Variants in SLFNL1 observed in about 807,000 individuals in gnomAD.
SLFNL1 encodes schlafen like 1.
Under a neutral mutation model 32.5 loss-of-function variants are expected in SLFNL1, and 26 were observed. That is an observed-to-expected ratio of 0.80 (90% CI 0.59 to 1.11). The LOEUF (loss-of-function observed/expected upper bound fraction) is 1.11. SLFNL1 is among the 50% of genes least tolerant of loss of function. The probability of loss-of-function intolerance (pLI) is 0.00; values close to 1 mark genes in which losing one functional copy is unlikely to be tolerated. For synonymous variants in SLFNL1, 255 were observed against 242.2 expected, an observed-to-expected ratio of 1.05 and a Z score of -0.49; for missense variants, 553 against 546.5, an observed-to-expected ratio of 1.01 and a Z score of -0.12.
chr1:41,019,278 A>G (rs1443514557), intron 3 of SLFNL1, among the ~76,000 whole-genome samples: 2 of 152,152 alleles, frequency 1.3e-5, no homozygotes, highest in Non-Finnish European at 2.9e-5. Context: ...GAAACAGGAT[A>G]AACTTCATAC....
In SLFNL1 at chr1:41,020,231, T is replaced by G; in HGVS notation, c.430A>C (p.Arg144=). The change falls in exon 3 of 6, where the codon AGA becomes CGA. Residue 144 remains arginine, a synonymous_variant. Coordinates refer to ENST00000302946, the MANE Select transcript of SLFNL1 (RefSeq NM_144990.4). The part of the protein sequence containing the change: ...LSEAQGPFSH[R]EEKEEEEEDS... ...TTGGGAAAAGTCCCACTTACCTCTCTGTGGCTGAAGGGCCCTTGGGCCTCA... is the reference window on the plus strand; with the variant it reads ...TTGGGAAAAGTCCCACTTACCTCTCGGTGGCTGAAGGGCCCTTGGGCCTCA... The G allele has an allele frequency of 6.3e-7, 1 of 1,588,544 alleles. No homozygotes were observed. Among genetic ancestry groups the G allele is most frequent in the Non-Finnish European group, 8.6e-7 (1 of 1,166,480 alleles).
chr1:41,019,189 C>T (rs1457554897), intron 3 of SLFNL1, among the ~76,000 whole-genome samples: 1 of 152,108 alleles, frequency 6.6e-6, no homozygotes, highest in Admixed American at 6.5e-5. Context: ...CTTTCATGAG[C>T]GTGGGTTGGG....
In SLFNL1 at chr1:41,017,578, TCTTA is replaced by T; in HGVS notation, c.957+53_957+56del. The T allele has an allele frequency of 1.3e-6, 2 of 1,507,418 alleles. No homozygotes were observed. The highest frequency in any genetic ancestry group is 8.9e-7 in the Non-Finnish European group (1 of 1,128,434). 93.4% of individuals were successfully genotyped at this position (1,507,418 alleles called of 1,614,324 possible). On this transcript the variant is annotated intron_variant, in intron 4 of 5. Coordinates refer to ENST00000302946, the MANE Select transcript of SLFNL1 (RefSeq NM_144990.4). The surrounding 1 kb of genome is among the most constrained non-coding windows in gnomAD (Gnocchi z 4.9). ...TGCCTGGCAGGAGTGCAGGCCATCGTCTTACTGAGTGATGACAGATGACAGGCCC... is the reference window on the plus strand; with the variant it reads ...TGCCTGGCAGGAGTGCAGGCCATCGTCTGAGTGATGACAGATGACAGGCCC...
intron 5 of SLFNL1, chr1:41,016,440 C>T (rs1643332855): frequency 1.5e-6 from 1 of 652,356 alleles, no homozygotes; most frequent in East Asian, 3.0e-5. Context: ...AAGGGAGCCT[C>T]CTCCGTGCTG....
Position 41,020,551 on chromosome 1 carries a change from T to G in SLFNL1, c.110A>C (p.Tyr37Ser), listed in dbSNP as rs533248965. 6.2e-7 allele frequency: 1 copy of G among 1,613,324 alleles called. No individual in the cohort carries two copies. Among genetic ancestry groups the G allele is most frequent in the South Asian group, 1.1e-5 (1 of 91,068 alleles). The change falls in exon 3 of 6, where the codon TAC (tyrosine) becomes TCC (serine). Residue 37 changes from tyrosine (Y) to serine (S), a missense_variant. Coordinates refer to ENST00000302946, the MANE Select transcript of SLFNL1 (RefSeq NM_144990.4). The stretch of plus-strand genomic sequence containing the variant: ...CGAGGGAGCCTCCTCGAGGTCAGAG[T>G]ACTCCGTCAGGGACTGCTCTGCGGG... Reference protein sequence around the residue: ...ELPAEQSLTEYSDLEEAPSAH... With the variant: ...ELPAEQSLTESSDLEEAPSAH...
Position 41,017,078 on chromosome 1 carries a change from G to T in SLFNL1, c.1101+156C>A. The stretch of plus-strand genomic sequence containing the variant: ...CACCAGCCACCTACCCGCGGAGTAT[G>T]GGATGTGGTGTGATTGTATTCCAAC... On this transcript the variant is annotated intron_variant, in intron 5 of 5. Transcript: ENST00000302946. This position sits in a 1 kb window ranked among gnomAD's most constrained non-coding sequence, Gnocchi z 4.9. The T allele has an allele frequency of 2.3e-6, 2 of 865,470 alleles. No individual in the cohort carries two copies. The highest frequency in any genetic ancestry group is 3.4e-6 in the Non-Finnish European group (2 of 594,732). The allele number at this position is 865,470 out of a possible 1,614,324, so 53.6% of individuals were successfully genotyped here. A position where few individuals can be genotyped will look rare whatever the true frequency, so the allele number is the denominator to read the frequency against.
chr1:41,021,285 C>T (rs1031290405), intron 1 of SLFNL1: 3 of 153,134 alleles, frequency 2.0e-5, no homozygotes, highest in African/African-American at 4.8e-5. Flanking sequence ...TTTTGGCACA[C>T]TGATGAAAGC....
rs1312081235 is a variant in SLFNL1, at chr1:41,017,936, C to T, written c.656G>A (p.Gly219Asp). Residue 219 changes from glycine (G) to aspartate (D), a missense_variant, in exon 4 of 6, where the codon GGC becomes GAC. By Grantham distance (94) the Gly-to-Asp change is moderately conservative. Transcript: ENST00000302946. The surrounding 1 kb of genome is among the most constrained non-coding windows in gnomAD (Gnocchi z 4.9). Reference sequence around the variant, plus strand: ...GAACTCCATATTGCGGGTCTCGCTGCCCAGGAAGGCACCCTGGAAGAGCTG... The same window carrying T: ...GAACTCCATATTGCGGGTCTCGCTGTCCAGGAAGGCACCCTGGAAGAGCTG... ...KDQLFQGAFL[G>D]SETRNMEFKR... 1 of 1,612,420 alleles carries T rather than the reference C, an allele frequency of 6.2e-7. No individual in the cohort carries two copies. The highest frequency in any genetic ancestry group is 8.5e-7 in the Non-Finnish European group (1 of 1,179,714).
rs373974407 is a variant in SLFNL1, at chr1:41,017,363, G to C, written c.972C>G (p.Thr324=). Residue 324 remains threonine, a synonymous_variant, in exon 5 of 6, where the codon ACC becomes ACG. Coordinates refer to ENST00000302946, the MANE Select transcript of SLFNL1 (RefSeq NM_144990.4). This position sits in a 1 kb window ranked among gnomAD's most constrained non-coding sequence, Gnocchi z 4.9. ...GGCTCTGGGCCTTGGGGGTGTGCAC[G>C]GTCAGGCGGATCACCTTGGTAGGGG... ...TSVPLKVIRL[T]VHTPKAQSQP... is the part of the protein sequence containing the mutation. 2.8e-5 allele frequency: 45 copies of C among 1,613,182 alleles called. No individual in the cohort carries two copies. Among genetic ancestry groups the C allele is most frequent in the Non-Finnish European group, 3.6e-5 (43 of 1,179,746 alleles).
intron 5 of SLFNL1, chr1:41,016,775 T>C (rs1385487374): frequency 1.3e-5 from 2 of 155,528 alleles, no homozygotes; most frequent in Non-Finnish European, 2.8e-5. Context: ...AGTGGCGCGA[T>C]CTCGGCTCAC....
Position 41,020,689 on chromosome 1 carries a change from A to C in SLFNL1, c.-29T>G. The C allele has an allele frequency of 1.9e-6, 3 of 1,589,712 alleles. No homozygotes were observed. Among genetic ancestry groups the C allele is most frequent in the Non-Finnish European group, 2.6e-6 (3 of 1,164,414 alleles). Reference sequence around the variant, plus strand: ...AAGGCTCTCCCTGGGAAGGGGTTCCAGGATTCCTCACTGCTGGCTGCTTCT... The same window carrying C: ...AAGGCTCTCCCTGGGAAGGGGTTCCCGGATTCCTCACTGCTGGCTGCTTCT... On this transcript the variant is annotated 5_prime_UTR_variant, in exon 3 of 6. Coordinates refer to ENST00000302946, the MANE Select transcript of SLFNL1 (RefSeq NM_144990.4).
chr1:41,018,169 T>G lies in SLFNL1; in HGVS notation c.436-13A>C, dbSNP rs1005376440. 4.8e-6 allele frequency: 7 copies of G among 1,458,028 alleles called. No homozygotes were observed. Among genetic ancestry groups the G allele is most frequent in the Non-Finnish European group, 6.3e-6 (7 of 1,102,366 alleles). The allele number at this position is 1,458,028 out of a possible 1,614,324, so 90.3% of individuals were successfully genotyped here. Reference sequence around the variant, plus strand: ...CCTCCTCCTTCTCCTAGGGTGGTAGTCAAGAATGAATGTATGGGTCCAGCC... The same window carrying G: ...CCTCCTCCTTCTCCTAGGGTGGTAGGCAAGAATGAATGTATGGGTCCAGCC... On this transcript the variant is annotated splice_polypyrimidine_tract_variant and intron_variant, in intron 3 of 5. Coordinates refer to ENST00000302946, the MANE Select transcript of SLFNL1 (RefSeq NM_144990.4).
chr1:41,020,330 G>A lies in SLFNL1; in HGVS notation c.331C>T (p.Arg111Cys), dbSNP rs764674492. The A allele has an allele frequency of 1.2e-5, 19 of 1,613,496 alleles. No individual in the cohort carries two copies. The highest frequency in any genetic ancestry group is 3.3e-5 in the South Asian group (3 of 91,084). Residue 111 changes from arginine to cysteine, a missense_variant, in exon 3 of 6, where the codon CGC becomes TGC. Coordinates refer to ENST00000302946, the MANE Select transcript of SLFNL1 (RefSeq NM_144990.4). ...TGCTCCTCCAGGGCCGTCTGCAGGC[G>A]CCAGGGGAGGGAGGCCAGGGTGTCC... ...HRDTLASLPW[R>C]LQTALEEHLI...
At chr1:41,020,831 C>G in intron 2 of SLFNL1, 33 bp downstream of exon 2, 2 of 634,952 alleles carry the variant, frequency 3.1e-6, no homozygotes, top group Non-Finnish European at 5.4e-6. Flanking sequence ...AGAGGGAGGG[C>G]AGAGGGCAAG....
At chr1:41,019,662 C>G (rs568569278) in intron 3 of SLFNL1, among the ~76,000 whole-genome samples, 1 of 152,332 alleles carries the variant, frequency 6.6e-6, no homozygotes, top group Non-Finnish European at 1.5e-5. Flanking sequence ...GCCTGTCCAA[C>G]TCCCTAAGTC....
At position 41,017,241 on chromosome 1, in the gene SLFNL1, C is replaced by G. The variant is rs1404002374; in HGVS notation, c.1094G>C (p.Cys365Ser). Residue 365 changes from cysteine (C) to serine (S), a missense_variant, in exon 5 of 6, where the codon TGC becomes TCC. By Grantham distance (112) the Cys-to-Ser change is moderately radical. Coordinates refer to ENST00000302946, the MANE Select transcript of SLFNL1 (RefSeq NM_144990.4). The surrounding 1 kb of genome is among the most constrained non-coding windows in gnomAD (Gnocchi z 4.9). ...TGGCCTCAGCTTCCGTACCTGCCTG[C>G]ACCACTCCTGGATGGCGCTGGCAGA... ...PLSASAIQEW[C>S]RQRWLVELGK... 1.3e-6 allele frequency: 2 copies of G among 1,577,026 alleles called. No individual in the cohort carries two copies. The highest frequency in any genetic ancestry group is 1.8e-5 in the Admixed American group (1 of 54,954).
intron 2 of SLFNL1, 21 bp downstream of exon 2, chr1:41,020,843 A>G: frequency 1.6e-6 from 1 of 613,210 alleles, no homozygotes; most frequent in East Asian, 2.8e-5. Flanking sequence ...GAGGGCAAGC[A>G]GGAAAGGGCC....
intron 3 of SLFNL1, among the ~76,000 whole-genome samples, chr1:41,018,982 G>A (rs1387126712): frequency 2.0e-5 from 3 of 151,922 alleles, no homozygotes; most frequent in Non-Finnish European, 4.4e-5. Flanking sequence ...TGGGATTACA[G>A]GGGCCCGCCA....
chr1:41,017,203 C>A lies in SLFNL1; in HGVS notation c.1101+31G>T. 1 of 1,531,314 alleles carries A rather than the reference C, an allele frequency of 6.5e-7. No homozygotes were observed. Among genetic ancestry groups the A allele is most frequent in the Admixed American group, 2.0e-5 (1 of 50,588 alleles). 94.9% of individuals were successfully genotyped at this position (1,531,314 alleles called of 1,614,324 possible). A position where few individuals can be genotyped will look rare whatever the true frequency, so the allele number is the denominator to read the frequency against. ...GAAGGGGTCTGGGGTCAGCTCCGCTCCACCCCACCCACTGGCCTCAGCTTC... is the reference window on the plus strand; with the variant it reads ...GAAGGGGTCTGGGGTCAGCTCCGCTACACCCCACCCACTGGCCTCAGCTTC... On this transcript the variant is annotated intron_variant, in intron 5 of 5. Coordinates refer to ENST00000302946, the MANE Select transcript of SLFNL1 (RefSeq NM_144990.4). The surrounding 1 kb of genome is among the most constrained non-coding windows in gnomAD (Gnocchi z 4.9).
Sources: gnomAD v4.1 joint callset for allele counts (sites outside exome capture counted in the v4.1 genomes callset) on GRCh38, gnomAD v4.1.1 for gene constraint, Gnocchi (gnomAD v3.1) non-coding constraint, MANE v1.5 for transcripts, NCBI Gene and HGNC (gene_info 2026-07-23, HGNC 2026-07-21) for gene names.